Variants in ME3 observed in about 807,000 individuals in gnomAD.
ME3 encodes malic enzyme 3.
Under a neutral mutation model 68.9 loss-of-function variants are expected in ME3, and 48 were observed. The observed-to-expected ratio is 0.70, with a 90% CI of 0.55 to 0.89. The LOEUF (loss-of-function observed/expected upper bound fraction) is 0.89, where lower values mean the gene tolerates loss of function less well. ME3 is among the 40% of genes least tolerant of loss of function. ME3 has a pLI of 0.00. For synonymous variants in ME3, 320 were observed against 318.8 expected (o/e 1.00, Z -0.04); for missense variants, 675 against 797.4 (o/e 0.85, Z 1.85).
intron 2 of ME3, among the ~76,000 whole-genome samples, chr11:86,629,622 A>G (rs1013460449): frequency 6.6e-6 from 1 of 152,122 alleles, no homozygotes; most frequent in African/African-American, 2.4e-5. Context: ...CTGTCCTCCA[A>G]TATTAAAGTC....
intron 7 of ME3, among the ~76,000 whole-genome samples, chr11:86,476,315 A>G (rs1444248261): frequency 1.3e-5 from 2 of 152,198 alleles, no homozygotes; most frequent in African/African-American, 4.8e-5. Flanking sequence ...CTGCCTCTGT[A>G]ACAGAGACAA....
intron 2 of ME3, among the ~76,000 whole-genome samples, chr11:86,578,538 G>A (rs1033045328): frequency 6.6e-6 from 1 of 152,168 alleles, no homozygotes; most frequent in Admixed American, 6.5e-5. Flanking sequence ...TCATCTGACA[G>A]GGCAAGTGTC....
chr11:86,623,102 G>A, intron 2 of ME3, among the ~76,000 whole-genome samples: 1 of 152,126 alleles, frequency 6.6e-6, no homozygotes, highest in South Asian at 2.1e-4. Context: ...GTGTCTATGA[G>A]GGTGTATCTG....
intron 2 of ME3, among the ~76,000 whole-genome samples, chr11:86,585,790 A>G (rs1381254906): frequency 1.3e-5 from 2 of 152,134 alleles, no homozygotes; most frequent in African/African-American, 4.8e-5. Flanking sequence ...GCCTGGCTTG[A>G]GCTTTGAGAA....
At chr11:86,616,086 T>C (rs1432394001) in intron 2 of ME3, among the ~76,000 whole-genome samples, 1 of 152,206 alleles carries the variant, frequency 6.6e-6, no homozygotes, top group African/African-American at 2.4e-5. Flanking sequence ...CAAAAAGCAA[T>C]GTTATATCCT....
intron 4 of ME3, among the ~76,000 whole-genome samples, chr11:86,543,949 A>C (rs1349497695): frequency 6.7e-6 from 1 of 148,964 alleles, no homozygotes; most frequent in African/African-American, 2.5e-5. Flanking sequence ...AATCATAACA[A>C]ACAGTCTCTC....
downstream of ME3, chr11:86,441,001 G>T (rs1360203003): frequency 7.6e-6 from 2 of 262,936 alleles, no homozygotes; most frequent in Non-Finnish European, 1.4e-5. Flanking sequence ...TTCTAGATGA[G>T]ATTCTGCATT....
intron 2 of ME3, among the ~76,000 whole-genome samples, chr11:86,637,458 A>G (rs1944408095): frequency 2.0e-5 from 3 of 152,054 alleles, no homozygotes; most frequent in Admixed American, 2.0e-4. Flanking sequence ...TAGAGCTGTC[A>G]GGGAAGATTT....
intron 2 of ME3, among the ~76,000 whole-genome samples, chr11:86,590,089 A>G (rs1204346349): frequency 6.6e-6 from 1 of 152,222 alleles, no homozygotes; most frequent in African/African-American, 2.4e-5. Flanking sequence ...ACGGAGGACT[A>G]AAGCGTTGCC....
At chr11:86,584,048 G>A (rs1004022319) in intron 2 of ME3, among the ~76,000 whole-genome samples, 6 of 152,054 alleles carry the variant, frequency 3.9e-5, no homozygotes, top group African/African-American at 1.4e-4. Context: ...ATGGGAAAAA[G>A]TATTTGGAAA....
chr11:86,515,315 T>G (rs1471355687), intron 4 of ME3, among the ~76,000 whole-genome samples: 2 of 152,214 alleles, frequency 1.3e-5, no homozygotes, highest in African/African-American at 4.8e-5. Flanking sequence ...TTATGTACAT[T>G]GTCATAATGC....
At position 86,602,765 on chromosome 11, in the gene ME3, G is replaced by C. The variant is rs1413286047; in HGVS notation, c.184-42942C>G. Among the ~76,000 whole-genome samples, 3 of 152,260 alleles carry C rather than the reference G, an allele frequency of 2.0e-5. No individual in the cohort carries two copies. The South Asian group carries it at 6.2e-4, about 32-fold the overall frequency. On this transcript the variant is annotated intron_variant, in intron 2 of 14. Coordinates refer to ENST00000543262, the Ensembl canonical transcript of ME3. Reference sequence around the variant, plus strand: ...ACCAAAACAGAGATATAGACCAATGGAACAGAACAGAGCACTCAGAAATAA... The same window carrying C: ...ACCAAAACAGAGATATAGACCAATGCAACAGAACAGAGCACTCAGAAATAA...
intron 6 of ME3, among the ~76,000 whole-genome samples, chr11:86,494,296 C>T (rs758774001): frequency 7.9e-5 from 12 of 152,146 alleles, no homozygotes; most frequent in Admixed American, 2.6e-4. Context: ...CACTCATTCT[C>T]GGCCCCCATT....
At chr11:86,647,377 C>A (rs1055199102) in intron 2 of ME3, among the ~76,000 whole-genome samples, 6 of 151,440 alleles carry the variant, frequency 4.0e-5, no homozygotes, top group African/African-American at 1.2e-4. Context: ...CCCAGCTACT[C>A]GGGAGGCTGA....
At chr11:86,475,874 T>TAGAGAGAGAGAGAGAGAGAGAG (rs1555206746) in intron 7 of ME3, among the ~76,000 whole-genome samples, 7 of 91,466 alleles carry the variant, frequency 7.7e-5, no homozygotes, top group South Asian at 8.3e-4. Context: ...TATATATATA[T>TAGAGAGAGAGAGAGAGAGAGAG]AGAGAGAGAG....
intron 2 of ME3, among the ~76,000 whole-genome samples, chr11:86,634,730 A>T (rs1338962243): frequency 3.3e-5 from 5 of 152,132 alleles, no homozygotes; most frequent in Non-Finnish European, 7.4e-5. Context: ...TGAAAATAAA[A>T]CATCATAGAT....
intron 2 of ME3, among the ~76,000 whole-genome samples, chr11:86,562,648 G>A (rs906026748): frequency 1.3e-5 from 2 of 152,078 alleles, no homozygotes; most frequent in African/African-American, 4.8e-5. Context: ...ATATAATGTT[G>A]AGTATCTTTT....
intron 2 of ME3, among the ~76,000 whole-genome samples, chr11:86,632,139 C>G (rs1306658830): frequency 1.3e-5 from 2 of 152,228 alleles, no homozygotes; most frequent in Non-Finnish European, 2.9e-5. Flanking sequence ...GATTCCAACT[C>G]TGACCTGCCT....
chr11:86,449,057 T>C (rs1949483687), intron 10 of ME3, among the ~76,000 whole-genome samples: 1 of 152,232 alleles, frequency 6.6e-6, no homozygotes, highest in South Asian at 2.1e-4. Context: ...TAAGTTCCTT[T>C]CAGCAGAAAT....
Sources: gnomAD v4.1 joint callset for allele counts (sites outside exome capture counted in the v4.1 genomes callset) on GRCh38, gnomAD v4.1.1 for gene constraint, MANE v1.5 for transcripts, NCBI Gene and HGNC (gene_info 2026-07-23, HGNC 2026-07-21) for gene names.